The following ANXA13 variants were observed in gnomAD, a reference collection of about 807,000 sequenced individuals.
The protein encoded by ANXA13 is annexin A13.
In ANXA13, 36 loss-of-function variants were observed where a neutral mutation model predicts 46.6. That is an observed-to-expected ratio of 0.77 (90% CI 0.59 to 1.02). The LOEUF is 1.02. ANXA13 is among the 50% of genes least tolerant of loss of function. The pLI is 0.00. For synonymous variants in ANXA13, 163 were observed against 152.9 expected (o/e 1.07, Z -0.49); for missense variants, 417 against 396.5 (o/e 1.05, Z -0.44).
At chr8:123,682,861 G>A (rs772489810) in intron 10 of ANXA13, among the ~76,000 whole-genome samples, 3 of 152,214 alleles carry the variant, frequency 2.0e-5, no homozygotes, top group Admixed American at 6.5e-5. Context: ...GGCCCAGGAC[G>A]TGTGGTTGAT....
intron 1 of ANXA13, chr8:123,728,717 C>G (rs1418154788): frequency 6.6e-6 from 1 of 152,078 alleles, no homozygotes; most frequent in Non-Finnish European, 1.5e-5. Flanking sequence ...GCTAAATTTG[C>G]TTTGAGCAAA....
At chr8:123,721,191 G>C (rs1813864943) in intron 1 of ANXA13, among the ~76,000 whole-genome samples, 1 of 152,076 alleles carries the variant, frequency 6.6e-6, no homozygotes, top group African/African-American at 2.4e-5. Flanking sequence ...GTCACAAATG[G>C]CAGAATTTCC....
chr8:123,689,971 C>G (rs1277319725), intron 8 of ANXA13, among the ~76,000 whole-genome samples: 1 of 152,126 alleles, frequency 6.6e-6, no homozygotes, highest in African/African-American at 2.4e-5. Flanking sequence ...GGAACTGTGT[C>G]CAGATTTAAT....
chr8:123,693,515 C>G (rs1438188585), intron 7 of ANXA13, among the ~76,000 whole-genome samples, 196 bp downstream of exon 7: 6 of 152,148 alleles, frequency 3.9e-5, no homozygotes, highest in Non-Finnish European at 8.8e-5. Context: ...CTGATGTGGT[C>G]AACCCCAGAG....
chr8:123,688,177 C>T (rs1033350715), intron 9 of ANXA13, among the ~76,000 whole-genome samples: 1 of 152,028 alleles, frequency 6.6e-6, no homozygotes, highest in African/African-American at 2.4e-5. Flanking sequence ...TGGGAGGGAC[C>T]CAGTGGGAGA....
chr8:123,731,590 T>C (rs1814117991), intron 1 of ANXA13, among the ~76,000 whole-genome samples: 1 of 152,100 alleles, frequency 6.6e-6, no homozygotes, highest in Non-Finnish European at 1.5e-5. Context: ...GGTGGTTCTG[T>C]TGGGCACAGT....
intron 1 of ANXA13, among the ~76,000 whole-genome samples, chr8:123,730,108 G>A (rs1221188623): frequency 1.3e-5 from 2 of 152,182 alleles, no homozygotes; most frequent in East Asian, 1.9e-4. Context: ...TAGCCGATGA[G>A]GGTGGAGGGT....
At chr8:123,722,326 GA>G in intron 1 of ANXA13, among the ~76,000 whole-genome samples, 1 of 123,314 alleles carries the variant, frequency 8.1e-6, no homozygotes, top group African/African-American at 3.3e-5. Flanking sequence ...AAGAAAGAAA[GA>G]AAAAGAAAGA....
At chr8:123,722,888 C>T (rs1256568121) in intron 1 of ANXA13, among the ~76,000 whole-genome samples, 1 of 152,132 alleles carries the variant, frequency 6.6e-6, no homozygotes, top group Non-Finnish European at 1.5e-5. Context: ...CCCAATCTTC[C>T]AGTTCTCCCT....
chr8:123,733,340 A>C (rs1814164109), intron 1 of ANXA13, among the ~76,000 whole-genome samples: 2 of 152,074 alleles, frequency 1.3e-5, no homozygotes, highest in Non-Finnish European at 2.9e-5. Context: ...CTTGGTTAAG[A>C]CCATACTTAT....
chr8:123,719,922 C>T (rs904947998), intron 1 of ANXA13, among the ~76,000 whole-genome samples: 2 of 151,590 alleles, frequency 1.3e-5, no homozygotes, highest in African/African-American at 4.9e-5. Context: ...GGTGTAGATG[C>T]ATTCGTGTTT....
In ANXA13 at chr8:123,688,890, C is replaced by A. The variant is rs1320228743; in HGVS notation, c.699G>T (p.Gln233His). The part of the protein sequence containing the change: ...AIEEETSGDL[Q>H]KAYLTLVRCA... The stretch of plus-strand genomic sequence containing the variant: ...CTTTACCGAGAGTTAAATAGGCCTT[C>A]TGCAAGTCGCCTGATGTTTCTTCTT... The change falls in exon 9 of 11, where the codon CAG (glutamine) becomes CAT (histidine). Residue 233 changes from glutamine (Q) to histidine (H), a missense_variant. Physicochemically the swap from Gln to His is conservative, Grantham distance 24 (BLOSUM62 0). Transcript: ENST00000419625. 4 of 1,613,964 alleles carry A rather than the reference C, an allele frequency of 2.5e-6. No individual in the cohort carries two copies. The East Asian group carries it at 8.9e-5, about 36-fold the overall frequency.
intron 1 of ANXA13, among the ~76,000 whole-genome samples, chr8:123,727,468 C>T (rs1274029228): frequency 3.9e-5 from 6 of 152,020 alleles, no homozygotes; most frequent in African/African-American, 1.2e-4. Context: ...CCCATTTAAG[C>T]GGTGGTTCTC....
chr8:123,726,758 A>G (rs940669595), intron 1 of ANXA13, among the ~76,000 whole-genome samples: 3 of 152,254 alleles, frequency 2.0e-5, no homozygotes, highest in African/African-American at 7.2e-5. Context: ...GCACATGCAT[A>G]TTAATAGCAG....
At chr8:123,715,807 G>C (rs1813749560) in intron 1 of ANXA13, among the ~76,000 whole-genome samples, 1 of 152,204 alleles carries the variant, frequency 6.6e-6, no homozygotes, top group Non-Finnish European at 1.5e-5. Context: ...GCCAAGGCTA[G>C]AACCAGATTT....
chr8:123,727,099 A>AGT (rs1814014869), intron 1 of ANXA13, among the ~76,000 whole-genome samples: 1 of 152,206 alleles, frequency 6.6e-6, no homozygotes, highest in South Asian at 2.1e-4. Flanking sequence ...AATAGGGTTC[A>AGT]GTGTATACTG....
At chr8:123,687,839 G>A (rs1466935441) in intron 9 of ANXA13, among the ~76,000 whole-genome samples, 1 of 152,166 alleles carries the variant, frequency 6.6e-6, no homozygotes, top group Non-Finnish European at 1.5e-5. Context: ...GAAAGAAGGA[G>A]CCTGTCAGAC....
intron 2 of ANXA13, among the ~76,000 whole-genome samples, chr8:123,708,095 C>T (rs182393514): frequency 5.3e-4 from 81 of 152,160 alleles, no homozygotes; most frequent in African/African-American, 1.8e-3. Context: ...ATATGTGTAT[C>T]GTATAAGCAG....
At chr8:123,692,874 G>A (rs553601100) in intron 8 of ANXA13, among the ~76,000 whole-genome samples, 11 of 152,068 alleles carry the variant, frequency 7.2e-5, no homozygotes, top group East Asian at 3.9e-4. Context: ...CTTCCCTGGC[G>A]TCTGTTGTGA....
Sources: allele counts gnomAD v4.1 joint callset (sites outside exome capture counted in the v4.1 genomes callset), GRCh38; gene constraint gnomAD v4.1.1; transcripts MANE v1.5; gene names NCBI Gene and HGNC (gene_info 2026-07-23, HGNC 2026-07-21).